DAOA: variants seen among roughly 807,000 people sequenced by gnomAD.
DAOA encodes D-amino acid oxidase activator, also known as D-amino acid oxidase regulator.
DAOA carries 15 observed loss-of-function variants against 16.4 expected under a neutral mutation model. The ratio of observed to expected loss-of-function variants is 0.91; its 90% CI spans 0.61 to 1.41. DAOA has a LOEUF of 1.41. Ranked by LOEUF, DAOA falls within the 40% of genes most tolerant of loss-of-function variation. The pLI is 0.00. For missense variants in DAOA, 230 were observed against 176.8 expected (o/e 1.30, Z -1.71); for synonymous variants, 75 against 59.1 (o/e 1.27, Z -1.23).
chr13:105,472,602 G>T lies in DAOA; in HGVS notation c.198G>T (p.Glu66Asp), dbSNP rs201206506. Reference sequence around the variant, plus strand: ...AAGAAGGATGGAAGAGAAGGCATGAGGACGGCTATTTGGAAATGGCACAGA... The same window carrying T: ...AAGAAGGATGGAAGAGAAGGCATGATGACGGCTATTTGGAAATGGCACAGA... Reference protein sequence around the residue: ...TRKEGWKRRHEDGYLEMAQRH... With the variant: ...TRKEGWKRRHDDGYLEMAQRH... The change falls in exon 4 of 6, where the codon GAG becomes GAT. Residue 66 changes from glutamate (E) to aspartate (D), a missense_variant. By Grantham distance (45) the Glu-to-Asp change is conservative (BLOSUM62 2). Transcript: ENST00000375936. 3 of 1,614,028 alleles carry T rather than the reference G, an allele frequency of 1.9e-6. No homozygotes were observed. Among genetic ancestry groups the T allele is most frequent in the Non-Finnish European group, 1.7e-6 (2 of 1,179,956 alleles).
intron 3 of DAOA, among the ~76,000 whole-genome samples, chr13:105,471,071 A>G (rs1405763592): frequency 1.3e-5 from 2 of 151,892 alleles, no homozygotes; most frequent in African/African-American, 4.8e-5. Context: ...TACAGGCATG[A>G]GCCACCGTGC....
chr13:105,470,220 CA>C (rs930265188), intron 3 of DAOA, among the ~76,000 whole-genome samples: 4 of 150,766 alleles, frequency 2.7e-5, no homozygotes, highest in African/African-American at 9.8e-5. Flanking sequence ...GAATAACAAA[CA>C]TAATTTCTAA....
intron 4 of DAOA, among the ~76,000 whole-genome samples, chr13:105,475,923 T>C (rs1877299467): frequency 6.6e-6 from 1 of 152,172 alleles, no homozygotes; most frequent in Admixed American, 6.5e-5. Flanking sequence ...ATTTATTTTG[T>C]GTGTTTTGCA....
rs182551850 is a variant in DAOA at position 105,471,083 on chromosome 13, C to T, written c.134-1455C>T. Among the ~76,000 whole-genome samples, 97 of 152,046 alleles carry T rather than the reference C, an allele frequency of 6.4e-4. 1 individual carries two copies. The highest frequency in any genetic ancestry group is 2.1e-3 in the African/African-American group (88 of 41,480). On this transcript the variant is annotated intron_variant, in intron 3 of 5. Transcript: ENST00000375936. Reference sequence around the variant, plus strand: ...GATTACAGGCATGAGCCACCGTGCCCGGCCAATTTTTTTGTATTCTTAGTA... The same window carrying T: ...GATTACAGGCATGAGCCACCGTGCCTGGCCAATTTTTTTGTATTCTTAGTA...
At chr13:105,478,322 G>A (rs556998410) in intron 4 of DAOA, among the ~76,000 whole-genome samples, 3 of 152,206 alleles carry the variant, frequency 2.0e-5, no homozygotes, top group African/African-American at 4.8e-5. Flanking sequence ...TTACTGGTCT[G>A]TACAGAAGCT....
At chr13:105,489,583 G>A (rs1411566088) in intron 4 of DAOA, among the ~76,000 whole-genome samples, 1 of 152,214 alleles carries the variant, frequency 6.6e-6, no homozygotes, top group African/African-American at 2.4e-5. Flanking sequence ...CAGTAAGCTA[G>A]ACTTGTTTAA....
chr13:105,466,166 T>G, intron 1 of DAOA, 50 bp from the exon 2 acceptor site: 2 of 1,468,138 alleles, frequency 1.4e-6, no homozygotes, highest in Non-Finnish European at 1.8e-6. Context: ...CCCAAATTAG[T>G]GGCTTAAAGT....
At chr13:105,466,531 A>G in intron 2 of DAOA, 199 bp downstream of exon 2, 1 of 821,450 alleles carries the variant, frequency 1.2e-6, no homozygotes, top group Non-Finnish European at 1.8e-6. Context: ...GCCAAGGATC[A>G]CTCATGTTAA....
chr13:105,472,491 G>A, intron 3 of DAOA, 47 bp from the exon 4 acceptor site: 2 of 1,574,148 alleles, frequency 1.3e-6, no homozygotes, highest in South Asian at 2.3e-5. Context: ...GTTAAAAGAT[G>A]TGATAGAGTT....
intron 4 of DAOA, among the ~76,000 whole-genome samples, chr13:105,484,392 G>A (rs1203228651): frequency 2.6e-5 from 4 of 152,064 alleles, no homozygotes; most frequent in South Asian, 4.1e-4. Context: ...TTACAGGGAA[G>A]CTATAGATGA....
At chr13:105,486,875 A>T (rs1878147955) in intron 4 of DAOA, among the ~76,000 whole-genome samples, 1 of 152,086 alleles carries the variant, frequency 6.6e-6, no homozygotes, top group African/African-American at 2.4e-5. Context: ...CCACTTCGGC[A>T]TCCCATAGTG....
At chr13:105,489,572 T>C (rs2139209783) in intron 4 of DAOA, among the ~76,000 whole-genome samples, 1 of 152,342 alleles carries the variant, frequency 6.6e-6, no homozygotes, top group Non-Finnish European at 1.5e-5. Context: ...TAAAACTTTC[T>C]CAGTAAGCTA....
intron 4 of DAOA, chr13:105,475,131 A>C (rs762366768): frequency 2.6e-6 from 2 of 755,332 alleles, no homozygotes; most frequent in Non-Finnish European, 3.2e-6. Flanking sequence ...AGTCAGCCTT[A>C]GAAACCAGAT....
Position 105,475,897 on chromosome 13 carries a change from G to A in DAOA, c.281+3212G>A, listed in dbSNP as rs368187210. On this transcript the variant is annotated intron_variant, in intron 4 of 5. Transcript: ENST00000375936. ...TTAGCAGGAAAAATGTCTGTGTAATGGCTTCAATTATTCACATTTATTTTG... is the reference window on the plus strand; with the variant it reads ...TTAGCAGGAAAAATGTCTGTGTAATAGCTTCAATTATTCACATTTATTTTG... Among the ~76,000 whole-genome samples, 3 of 152,038 alleles carry A rather than the reference G, an allele frequency of 2.0e-5. No individual in the cohort carries two copies. The East Asian group carries it at 5.8e-4, about 29-fold the overall frequency.
chr13:105,468,113 C>T (rs1432028948), intron 3 of DAOA, among the ~76,000 whole-genome samples: 1 of 152,168 alleles, frequency 6.6e-6, no homozygotes, highest in Admixed American at 6.5e-5. Flanking sequence ...CTTCCAGCAT[C>T]CCCCTCTCTA....
At chr13:105,476,520 T>G (rs980474667) in intron 4 of DAOA, among the ~76,000 whole-genome samples, 1 of 116,344 alleles carries the variant, frequency 8.6e-6, no homozygotes, top group African/African-American at 3.1e-5. Context: ...AAAAAAAAAA[T>G]TACATATGAG....
intron 4 of DAOA, among the ~76,000 whole-genome samples, chr13:105,483,938 T>C (rs1445295354): frequency 6.6e-6 from 1 of 152,152 alleles, no homozygotes; most frequent in East Asian, 1.9e-4. Context: ...TTCTGTTGCA[T>C]CTAATACATC....
At position 105,488,337 on chromosome 13, in the gene DAOA, G is replaced by T. The variant is rs74670696; in HGVS notation, c.282-1564G>T. On this transcript the variant is annotated intron_variant, in intron 4 of 5. Coordinates refer to ENST00000375936, the MANE Select transcript of DAOA (RefSeq NM_172370.5). ...AATTTTATGAAAAGATAACTCAAAAGATGAATGAAGCAAATCAAATTATTA... is the reference window on the plus strand; with the variant it reads ...AATTTTATGAAAAGATAACTCAAAATATGAATGAAGCAAATCAAATTATTA... Among the ~76,000 whole-genome samples the T allele has an allele frequency of 5.8e-3, 886 of 152,210 alleles. 11 individuals carry two copies. Among genetic ancestry groups the T allele is most frequent in the African/African-American group, 0.02 (833 of 41,546 alleles).
rs769271977 is a variant in DAOA at position 105,472,513 on chromosome 13, T to C, written c.134-25T>C. The stretch of plus-strand genomic sequence containing the variant: ...GATGTGATAGAGTTAATATGTATTA[T>C]ATATCCACTTAAATACTGTTGCAGC... On this transcript the variant is annotated intron_variant, in intron 3 of 5. Coordinates refer to ENST00000375936, the MANE Select transcript of DAOA (RefSeq NM_172370.5). The C allele has an allele frequency of 2.5e-6, 4 of 1,607,824 alleles. No individual in the cohort carries two copies. The African/African-American group carries it at 4.0e-5, about 16-fold the overall frequency.
Sources: allele counts gnomAD v4.1 joint callset (sites outside exome capture counted in the v4.1 genomes callset), GRCh38; gene constraint gnomAD v4.1.1; transcripts MANE v1.5; gene names NCBI Gene and HGNC (gene_info 2026-07-23, HGNC 2026-07-21).